Variants in CAMK1D observed in about 807,000 individuals in gnomAD.
CAMK1D encodes the protein calcium/calmodulin-dependent protein kinase type 1D.
Under a neutral mutation model 47.7 loss-of-function variants are expected in CAMK1D, and 9 were observed. That is an observed-to-expected ratio of 0.19 (90% CI 0.11 to 0.33). The LOEUF is 0.33. CAMK1D is among the 10% of genes least tolerant of loss of function. CAMK1D has a pLI of 1.00. For synonymous variants in CAMK1D, 184 were observed against 184.9 expected, an observed-to-expected ratio of 0.99 and a Z score of 0.04; for missense variants, 291 against 488.7, an observed-to-expected ratio of 0.60 and a Z score of 3.81.
chr10:12,513,322 G>T (rs1038234280), intron 1 of CAMK1D, among the ~76,000 whole-genome samples: 1 of 152,152 alleles, frequency 6.6e-6, no homozygotes, highest in Non-Finnish European at 1.5e-5. Flanking sequence ...TAAATGAATC[G>T]TGTGGGTCTT....
At chr10:12,521,923 T>G (rs1412478559) in intron 1 of CAMK1D, among the ~76,000 whole-genome samples, 1 of 152,090 alleles carries the variant, frequency 6.6e-6, no homozygotes, top group Non-Finnish European at 1.5e-5. Context: ...TGCATGATAC[T>G]TCTTCTCCCA....
chr10:12,723,745 G>T (rs1449992575), intron 3 of CAMK1D, among the ~76,000 whole-genome samples: 1 of 152,006 alleles, frequency 6.6e-6, no homozygotes, highest in African/African-American at 2.4e-5. Context: ...TGTTGTTGTT[G>T]TTTTGACATT....
chr10:12,594,033 T>G (rs769637877), intron 2 of CAMK1D, among the ~76,000 whole-genome samples: 9 of 151,972 alleles, frequency 5.9e-5, no homozygotes, highest in Non-Finnish European at 1.3e-4. Context: ...AAAATTAGCC[T>G]GGCGTGGTGG....
chr10:12,360,560 A>G (rs924190200), intron 1 of CAMK1D, among the ~76,000 whole-genome samples: 2 of 152,184 alleles, frequency 1.3e-5, no homozygotes, highest in Non-Finnish European at 2.9e-5. Flanking sequence ...AAATACCTCA[A>G]AATAGGTTGA....
At chr10:12,792,980 A>G (rs1048182094) in intron 6 of CAMK1D, among the ~76,000 whole-genome samples, 23 of 144,980 alleles carry the variant, frequency 1.6e-4, no homozygotes, top group African/African-American at 1.0e-4. Context: ...ACACACACAC[A>G]CACGCACGCA....
chr10:12,407,879 A>ACG (rs1190795293), intron 1 of CAMK1D, among the ~76,000 whole-genome samples: 1 of 123,416 alleles, frequency 8.1e-6, no homozygotes, highest in African/African-American at 3.2e-5. Flanking sequence ...TTTTTTTGAG[A>ACG]GAGACTCTCA....
intron 2 of CAMK1D, among the ~76,000 whole-genome samples, chr10:12,563,881 T>C (rs1336781666): frequency 6.6e-6 from 1 of 152,246 alleles, no homozygotes; most frequent in Non-Finnish European, 1.5e-5. Flanking sequence ...TGCATGTTTA[T>C]TTCCTTGTGC....
At chr10:12,685,407 A>G (rs900684630) in intron 3 of CAMK1D, among the ~76,000 whole-genome samples, 8 of 152,248 alleles carry the variant, frequency 5.3e-5, no homozygotes, top group Non-Finnish European at 7.3e-5. Flanking sequence ...AACACCAGAT[A>G]TATCTGAGTT....
rs148324094 is a variant in CAMK1D at position 12,801,457 on chromosome 10, A to G, written c.641+10224A>G. Among the ~76,000 whole-genome samples the G allele has an allele frequency of 2.7e-3, 399 of 149,746 alleles. 7 individuals carry two copies. The South Asian group carries it at 0.036, about 13-fold the overall frequency. On this transcript the variant is annotated intron_variant, in intron 6 of 10. Transcript: ENST00000619168. ...CATTCATCCATCCATCCATTCATCTATCTATCCGTCATCTATCTATCCATT... is the reference window on the plus strand; with the variant it reads ...CATTCATCCATCCATCCATTCATCTGTCTATCCGTCATCTATCTATCCATT...
intron 2 of CAMK1D, among the ~76,000 whole-genome samples, chr10:12,566,662 A>C (rs763092420): frequency 6.6e-6 from 1 of 152,174 alleles, no homozygotes; most frequent in Non-Finnish European, 1.5e-5. Flanking sequence ...AGCCAGAAGG[A>C]TGGTTTCTGA....
At chr10:12,615,388 A>G (rs917322398) in intron 2 of CAMK1D, among the ~76,000 whole-genome samples, 6 of 152,208 alleles carry the variant, frequency 3.9e-5, no homozygotes, top group African/African-American at 1.4e-4. Context: ...AAGTTGTTCA[A>G]ATTCTTTGCC....
At chr10:12,595,622 G>A (rs563251649) in intron 2 of CAMK1D, among the ~76,000 whole-genome samples, 146 of 152,172 alleles carry the variant, frequency 9.6e-4, no homozygotes, top group African/African-American at 2.0e-3. Context: ...TGGGCCATGC[G>A]TCTTCTGTCC....
At chr10:12,801,316 T>G (rs796651255) in intron 6 of CAMK1D, among the ~76,000 whole-genome samples, 1 of 112,008 alleles carries the variant, frequency 8.9e-6, no homozygotes, top group African/African-American at 4.0e-5. Flanking sequence ...TATCTATCTA[T>G]CTATCTATCT....
chr10:12,349,955 G>A (rs755743558), intron 1 of CAMK1D, 45 bp downstream of exon 1: 3 of 1,159,034 alleles, frequency 2.6e-6, no homozygotes, highest in African/African-American at 1.6e-5. Context: ...GCCGCGGCAG[G>A]GGCTGCACGG....
At chr10:12,381,886 G>T (rs1838358307) in intron 1 of CAMK1D, among the ~76,000 whole-genome samples, 1 of 152,008 alleles carries the variant, frequency 6.6e-6, no homozygotes, top group South Asian at 2.1e-4. Flanking sequence ...TGGCGTTTTA[G>T]GTGACTTGGT....
intron 1 of CAMK1D, among the ~76,000 whole-genome samples, chr10:12,371,066 A>G (rs1387557548): frequency 6.6e-6 from 1 of 152,200 alleles, no homozygotes; most frequent in African/African-American, 2.4e-5. Context: ...AGTTACAGTA[A>G]GCTAATATTA....
Position 12,723,557 on chromosome 10 carries a change from A to G in CAMK1D, c.300-37391A>G, listed in dbSNP as rs140725199. Among the ~76,000 whole-genome samples the G allele has an allele frequency of 1.1e-3, 174 of 152,324 alleles. 1 individual carries two copies. In the Middle Eastern group the frequency reaches 0.024, roughly 21 times the overall value. On this transcript the variant is annotated intron_variant, in intron 3 of 10. Coordinates refer to ENST00000619168, the MANE Select transcript of CAMK1D (RefSeq NM_153498.4). ...TGCAATATGGTACAGATGAACATGC[A>G]TCTTTTGCTAATGTGTAAGCTCATC... is the stretch of plus-strand genomic sequence containing the variant.
At chr10:12,747,849 T>G (rs1320028271) in intron 3 of CAMK1D, among the ~76,000 whole-genome samples, 1 of 152,094 alleles carries the variant, frequency 6.6e-6, no homozygotes, top group Non-Finnish European at 1.5e-5. Flanking sequence ...GCAGGAGGGA[T>G]CCCCTCATAT....
intron 2 of CAMK1D, among the ~76,000 whole-genome samples, chr10:12,568,963 G>A (rs1339586641): frequency 1.3e-5 from 2 of 152,188 alleles, no homozygotes; most frequent in African/African-American, 4.8e-5. Context: ...GCGATTTAGA[G>A]TGGGAAAGTT....
Sources: gnomAD v4.1 joint callset for allele counts (sites outside exome capture counted in the v4.1 genomes callset) on GRCh38, gnomAD v4.1.1 for gene constraint, MANE v1.5 for transcripts, NCBI Gene and HGNC (gene_info 2026-07-23, HGNC 2026-07-21) for gene names.